RFX3: variants seen among roughly 807,000 people sequenced by gnomAD.
The protein encoded by RFX3 is regulatory factor X3.
In RFX3, 14 loss-of-function variants were observed where a neutral mutation model predicts 98.6. That is an observed-to-expected ratio of 0.14 (90% CI 0.09 to 0.22). The LOEUF is 0.22. Among genes scored for constraint, RFX3 ranks in the 10% least tolerant of loss-of-function variants. RFX3 has a pLI of 1.00. For synonymous variants in RFX3, 383 were observed against 328.4 expected (o/e 1.17, Z -1.80); for missense variants, 639 against 926.9 (o/e 0.69, Z 4.03).
chr9:3,420,912 C>T (rs1843384386), intron 1 of RFX3: 1 of 983,536 alleles, frequency 1.0e-6, no homozygotes, highest in Non-Finnish European at 1.2e-6. Context: ...CTGAAACCAG[C>T]AAATATGGAT....
At chr9:3,343,570 C>T (rs2131106957) in intron 3 of RFX3, among the ~76,000 whole-genome samples, 1 of 152,170 alleles carries the variant, frequency 6.6e-6, no homozygotes, top group Admixed American at 6.5e-5. Flanking sequence ...ACCAAAATAG[C>T]TTATGCTGAA....
chr9:3,278,039 T>C (rs1398064522), intron 7 of RFX3, among the ~76,000 whole-genome samples: 1 of 151,928 alleles, frequency 6.6e-6, no homozygotes, highest in East Asian at 1.9e-4. Context: ...GCAAAATATA[T>C]GCAAGAATCA....
chr9:3,522,556 CGTGTGTGTGT>C lies in RFX3; in HGVS notation c.-9+3181_-9+3190del, dbSNP rs111656079. ...TTACTGTTCTGGAAAAGTGTGTGTG[CGTGTGTGTGT>C]GTGTGTGTGTGTGTGTGTGTGTAAC... On this transcript the variant is annotated intron_variant, in intron 1 of 16. Coordinates refer to ENST00000617270, the MANE Select transcript of RFX3 (RefSeq NM_001282116.2). 2.3e-3 allele frequency among the ~76,000 whole-genome samples: 335 copies of C among 145,374 alleles called. 3 individuals are homozygous for C. The highest frequency in any genetic ancestry group is 0.015 in the Middle Eastern group (4 of 272).
chr9:3,315,326 G>A (rs889756440), intron 4 of RFX3, among the ~76,000 whole-genome samples: 2 of 152,188 alleles, frequency 1.3e-5, no homozygotes, highest in Admixed American at 6.5e-5. Flanking sequence ...TGAAACCAAT[G>A]AGAACAAAGA....
At chr9:3,513,934 A>T (rs958370781) in intron 1 of RFX3, among the ~76,000 whole-genome samples, 13 of 152,258 alleles carry the variant, frequency 8.5e-5, no homozygotes, top group African/African-American at 2.7e-4. Context: ...AGGTTTTACA[A>T]TTCAAAACTT....
intron 5 of RFX3, among the ~76,000 whole-genome samples, chr9:3,296,345 C>A (rs989089082): frequency 3.3e-5 from 5 of 151,852 alleles, no homozygotes; most frequent in Non-Finnish European, 7.4e-5. Context: ...TTACTTATAT[C>A]CCAATTGAAT....
intron 16 of RFX3, among the ~76,000 whole-genome samples, chr9:3,227,947 C>A (rs1817982211): frequency 1.3e-5 from 2 of 152,168 alleles, no homozygotes; most frequent in African/African-American, 4.8e-5. Flanking sequence ...CCTCATTTTG[C>A]CCAGTGGCTC....
intron 1 of RFX3, among the ~76,000 whole-genome samples, chr9:3,417,315 G>A (rs1484005211): frequency 6.6e-6 from 1 of 151,942 alleles, no homozygotes; most frequent in Non-Finnish European, 1.5e-5. Flanking sequence ...AATTTGAACA[G>A]CATCTATCAA....
chr9:3,474,380 T>C (rs1156523861), intron 1 of RFX3, among the ~76,000 whole-genome samples: 1 of 152,132 alleles, frequency 6.6e-6, no homozygotes, highest in Non-Finnish European at 1.5e-5. Flanking sequence ...ACCAATCTCA[T>C]CAGAAAAGAT....
At position 3,490,398 on chromosome 9, in the gene RFX3, A is replaced by C. The variant is rs540316406; in HGVS notation, c.-9+35349T>G. The C allele has an allele frequency of 1.2e-5, 7 of 579,276 alleles. No individual in the cohort carries two copies. In the East Asian group the frequency reaches 8.6e-4, roughly 71 times the overall value. 35.9% of individuals were successfully genotyped at this position (579,276 alleles called of 1,614,324 possible). A position where few individuals can be genotyped will look rare whatever the true frequency, so the allele number is the denominator to read the frequency against. ...GTTCACATTAAAAATGAATTTTTTG[A>C]TATGTAGAAGCCATGTGACTATTTA... is the stretch of plus-strand genomic sequence containing the variant. On this transcript the variant is annotated intron_variant, in intron 1 of 16. Coordinates refer to ENST00000617270, the MANE Select transcript of RFX3 (RefSeq NM_001282116.2).
At chr9:3,282,987 A>T (rs1228842361) in intron 7 of RFX3, among the ~76,000 whole-genome samples, 1 of 151,832 alleles carries the variant, frequency 6.6e-6, no homozygotes, top group Non-Finnish European at 1.5e-5. Flanking sequence ...TCAGGAGCAT[A>T]AGTGGTGACT....
At chr9:3,516,117 C>T (rs565477647) in intron 1 of RFX3, among the ~76,000 whole-genome samples, 3 of 151,994 alleles carry the variant, frequency 2.0e-5, no homozygotes, top group Middle Eastern at 6.8e-3. Flanking sequence ...GGCGTGATCT[C>T]GGCTCACTGC....
rs556687807 is a variant in RFX3, at chr9:3,249,584, A to T, written c.1815-1399T>A. Among the ~76,000 whole-genome samples, 34 of 152,266 alleles carry T rather than the reference A, an allele frequency of 2.2e-4. 1 individual carries two copies. The South Asian group carries it at 3.5e-3, about 16-fold the overall frequency. ...AGGAGAAGCTGACTTTCTCATTCTC[A>T]TTTATTTATGGTGGCAAGAATAGCA... On this transcript the variant is annotated intron_variant, in intron 14 of 16. Coordinates refer to ENST00000617270, the MANE Select transcript of RFX3 (RefSeq NM_001282116.2).
chr9:3,423,791 A>ATCTATC (rs1033709813), intron 1 of RFX3, among the ~76,000 whole-genome samples: 3 of 124,514 alleles, frequency 2.4e-5, no homozygotes, highest in African/African-American at 1.4e-4. Flanking sequence ...ATATATATAT[A>ATCTATC]TATATATATA....
chr9:3,304,654 A>G (rs369794093), intron 4 of RFX3, among the ~76,000 whole-genome samples: 71 of 152,076 alleles, frequency 4.7e-4, no homozygotes, highest in Middle Eastern at 3.4e-3. Flanking sequence ...GGCTTTATAA[A>G]GGGTTTCCCC....
chr9:3,503,765 T>G (rs1564182347), intron 1 of RFX3, among the ~76,000 whole-genome samples: 1 of 152,112 alleles, frequency 6.6e-6, no homozygotes, highest in Admixed American at 6.6e-5. Flanking sequence ...GATGACTAGA[T>G]GATAGCTATG....
chr9:3,457,400 T>C (rs1847288299), intron 1 of RFX3, among the ~76,000 whole-genome samples: 1 of 152,140 alleles, frequency 6.6e-6, no homozygotes, highest in South Asian at 2.1e-4. Flanking sequence ...TTTCTCATCA[T>C]TGCTTTGCCT....
intron 1 of RFX3, among the ~76,000 whole-genome samples, chr9:3,412,405 G>A (rs991046693): frequency 6.6e-6 from 1 of 152,104 alleles, no homozygotes; most frequent in Non-Finnish European, 1.5e-5. Context: ...TTGACTCAAA[G>A]ATAATGCTAT....
At chr9:3,273,478 TG>T (rs1340783159) in intron 9 of RFX3, among the ~76,000 whole-genome samples, 1 of 152,188 alleles carries the variant, frequency 6.6e-6, no homozygotes, top group Non-Finnish European at 1.5e-5. Context: ...CAGGGGAGTT[TG>T]TCACTTAGAA....
Sources: allele counts gnomAD v4.1 joint callset (sites outside exome capture counted in the v4.1 genomes callset), GRCh38; gene constraint gnomAD v4.1.1; transcripts MANE v1.5; gene names NCBI Gene and HGNC (gene_info 2026-07-23, HGNC 2026-07-21).